The following UBE3C variants were observed in gnomAD, a reference collection of about 807,000 sequenced individuals.
The protein encoded by UBE3C is ubiquitin protein ligase E3C.
In UBE3C, 42 loss-of-function variants were observed where a neutral mutation model predicts 129.4. The observed-to-expected ratio is 0.32, with a 90% CI of 0.25 to 0.42. The LOEUF is 0.42. Ranked by LOEUF, UBE3C falls within the 10% of genes least tolerant of loss-of-function variation. The probability of loss-of-function intolerance (pLI) is 1.00; values close to 1 mark genes in which losing one functional copy is unlikely to be tolerated. For missense variants in UBE3C, 1,049 were observed against 1,319.1 expected (o/e 0.80, Z 3.17); for synonymous variants, 510 against 492.4 (o/e 1.04, Z -0.47).
chr7:157,144,747 G>A (rs947757068), intron 1 of UBE3C, among the ~76,000 whole-genome samples: 5 of 152,050 alleles, frequency 3.3e-5, no homozygotes, highest in Non-Finnish European at 7.4e-5. Context: ...CAAGCAGAGG[G>A]TAGGGTTCCC....
At chr7:157,187,047 AG>A (rs548641795) in intron 10 of UBE3C, 26 bp downstream of exon 10, 2 of 1,562,338 alleles carry the variant, frequency 1.3e-6, no homozygotes, top group South Asian at 2.3e-5. Context: ...CGTCTGTGCC[AG>A]GGGGTGCCAG....
chr7:157,165,004 T>C (rs1808175233), intron 2 of UBE3C, among the ~76,000 whole-genome samples: 1 of 152,172 alleles, frequency 6.6e-6, no homozygotes, highest in African/African-American at 2.4e-5. Flanking sequence ...GCTCTGTACA[T>C]TGGAGGATGT....
In UBE3C at chr7:157,178,800, A is replaced by G. The variant is rs568790753; in HGVS notation, c.569A>G (p.Tyr190Cys). The G allele has an allele frequency of 1.9e-6, 3 of 1,614,214 alleles. No individual in the cohort carries two copies. The highest frequency in any genetic ancestry group is 1.3e-5 in the African/African-American group (1 of 75,064). The change falls in exon 6 of 23, where the codon TAT becomes TGT. Residue 190 changes from tyrosine to cysteine, a missense_variant. This residue lies in a region of UBE3C where 489 missense variants were observed against 513.8 expected (regional missense o/e 0.95). Transcript: ENST00000348165. ...TYLPVLQDAS[Y>C]VVSVIEQILH... is the part of the protein sequence containing the mutation. ...TTGCCTGTTTTACAAGATGCTAGCT[A>G]TGTGGTGTCAGTGATTGAACAAATT...
intron 9 of UBE3C, among the ~76,000 whole-genome samples, chr7:157,184,919 G>A (rs865902238): frequency 3.3e-5 from 5 of 152,194 alleles, no homozygotes; most frequent in African/African-American, 1.2e-4. Flanking sequence ...TGGCTGAGGG[G>A]TGGGCTGATG....
intron 18 of UBE3C, among the ~76,000 whole-genome samples, chr7:157,239,805 A>AG (rs1338914063): frequency 6.6e-6 from 1 of 152,182 alleles, no homozygotes; most frequent in African/African-American, 2.4e-5. Context: ...GTGCTGAAGC[A>AG]GGGGGCGCCA....
At chr7:157,153,520 C>G (rs59177688) in intron 1 of UBE3C, among the ~76,000 whole-genome samples, 1 of 151,970 alleles carries the variant, frequency 6.6e-6, no homozygotes, top group African/African-American at 2.4e-5. Flanking sequence ...GGTCTTGAAC[C>G]GAGCTCAATT....
At chr7:157,240,004 A>G (rs1324793800) in intron 18 of UBE3C, among the ~76,000 whole-genome samples, 4 of 152,132 alleles carry the variant, frequency 2.6e-5, no homozygotes, top group Non-Finnish European at 5.9e-5. Flanking sequence ...TAAAAATGCA[A>G]ATTCTTGGGC....
chr7:157,265,591 G>C (rs989957192), intron 22 of UBE3C, among the ~76,000 whole-genome samples: 3 of 152,182 alleles, frequency 2.0e-5, no homozygotes, highest in Non-Finnish European at 2.9e-5. Flanking sequence ...GTCGTGCCGC[G>C]CGTGTGCATG....
intron 2 of UBE3C, 113 bp downstream of exon 2, chr7:157,163,976 AATGTGTGTGT>A (rs1808145165): frequency 3.1e-6 from 3 of 978,256 alleles, no homozygotes; most frequent in Non-Finnish European, 4.6e-6. Flanking sequence ...TATATGACAG[AATGTGTGTGT>A]ATGTGTGTTT....
intron 1 of UBE3C, among the ~76,000 whole-genome samples, chr7:157,161,438 A>C (rs1044682092): frequency 6.8e-6 from 1 of 147,188 alleles, no homozygotes; most frequent in Non-Finnish European, 1.5e-5. Context: ...CTGGAGGATT[A>C]ATTTCTTTGA....
chr7:157,190,127 C>G (rs1808915796), intron 10 of UBE3C, among the ~76,000 whole-genome samples: 1 of 152,176 alleles, frequency 6.6e-6, no homozygotes, highest in South Asian at 2.1e-4. Flanking sequence ...ATTTGGTCCT[C>G]TGGGTAATCT....
chr7:157,215,742 TG>T (rs1795547630), intron 13 of UBE3C, among the ~76,000 whole-genome samples: 1 of 152,040 alleles, frequency 6.6e-6, no homozygotes, highest in African/African-American at 2.4e-5. Flanking sequence ...GATCCAATCC[TG>T]GTTGTAGACA....
intron 18 of UBE3C, among the ~76,000 whole-genome samples, chr7:157,238,056 A>G (rs1796198562): frequency 6.6e-6 from 1 of 152,132 alleles, no homozygotes; most frequent in Non-Finnish European, 1.5e-5. Context: ...TCAAAATAAT[A>G]ATAAAATAGG....
chr7:157,243,869 AGTTG>A (rs1796408383), intron 18 of UBE3C, among the ~76,000 whole-genome samples: 1 of 152,218 alleles, frequency 6.6e-6, no homozygotes, highest in African/African-American at 2.4e-5. Context: ...CCTGACATAT[AGTTG>A]GCACTTAATA....
intron 2 of UBE3C, among the ~76,000 whole-genome samples, chr7:157,168,815 G>A (rs1033716809): frequency 1.3e-5 from 2 of 152,214 alleles, no homozygotes; most frequent in African/African-American, 2.4e-5. Context: ...GGGTGACTGC[G>A]AATGGAGACG....
At position 157,207,759 on chromosome 7, in the gene UBE3C, T is replaced by G. The variant is rs776121867; in HGVS notation, c.1633T>G (p.Leu545Val). The G allele has an allele frequency of 6.2e-7, 1 of 1,614,206 alleles. No homozygotes were observed. Among genetic ancestry groups the G allele is most frequent in the East Asian group, 2.2e-5 (1 of 44,884 alleles). The change falls in exon 13 of 23, where the codon TTG becomes GTG. Residue 545 changes from leucine (L) to valine (V), a missense_variant. This residue lies in a region of UBE3C where 314 missense variants were observed against 416.9 expected (regional missense o/e 0.75). Coordinates refer to ENST00000348165, the MANE Select transcript of UBE3C (RefSeq NM_014671.3). The stretch of plus-strand genomic sequence containing the variant: ...TTTTACTTTAGAAGAGCTGATAATG[T>G]TGTCTCGATGCCTTCGAGATGCATG... ...MPFTLEELIM[L>V]SRCLRDACLG...
At position 157,254,255 on chromosome 7, in the gene UBE3C, T is replaced by C. The variant is rs773376083; in HGVS notation, c.2895T>C (p.Ser965=). The C allele has an allele frequency of 6.2e-7, 1 of 1,613,702 alleles. No homozygotes were observed. Residue 965 remains serine, a synonymous_variant, in exon 21 of 23, where the codon TCT becomes TCC. Coordinates refer to ENST00000348165, the MANE Select transcript of UBE3C (RefSeq NM_014671.3). ...ACTTTTTTCCTTAGGTATTAATTTC[T>C]GGTGCACAAGTTCCCATAAGCCTAG... The part of the protein sequence containing the change: ...FDQQEIQVLI[S]GAQVPISLED...
chr7:157,160,191 C>T (rs915455048), intron 1 of UBE3C, among the ~76,000 whole-genome samples: 14 of 151,968 alleles, frequency 9.2e-5, no homozygotes, highest in African/African-American at 3.1e-4. Flanking sequence ...TCTCCTGCCT[C>T]AGGCCTCCAA....
intron 16 of UBE3C, 123 bp from the exon 17 acceptor site, chr7:157,225,284 G>A: frequency 1.8e-6 from 2 of 1,106,338 alleles, no homozygotes; most frequent in Non-Finnish European, 2.5e-6. Context: ...TTGATACCTT[G>A]ACTATTAGCA....
Sources: gnomAD v4.1 joint callset for allele counts (sites outside exome capture counted in the v4.1 genomes callset) on GRCh38, gnomAD v4.1.1 for gene constraint, gnomAD v4.1.1 regional missense constraint, MANE v1.5 for transcripts, NCBI Gene and HGNC (gene_info 2026-07-23, HGNC 2026-07-21) for gene names.